Variants in PDZD2 observed in about 807,000 individuals in gnomAD.
PDZD2 encodes the protein PDZ domain containing 2.
A neutral mutation model predicts 220.7 loss-of-function variants in PDZD2; 90 were observed. The ratio of observed to expected loss-of-function variants is 0.41; its 90% CI spans 0.34 to 0.49. PDZD2 has a LOEUF of 0.49. PDZD2 is among the 20% of genes least tolerant of loss of function. PDZD2 has a pLI of 0.28. For missense variants in PDZD2, 3,174 were observed against 3,608.5 expected (o/e 0.88, Z 3.08); for synonymous variants, 1,375 against 1,450.5 (o/e 0.95, Z 1.18).
chr5:31,885,373 G>A (rs1740367170), intron 2 of PDZD2, among the ~76,000 whole-genome samples: 1 of 152,076 alleles, frequency 6.6e-6, no homozygotes, highest in Admixed American at 6.6e-5. Flanking sequence ...AGTGAGACAC[G>A]TCACAGGTAT....
intron 2 of PDZD2, among the ~76,000 whole-genome samples, chr5:31,874,522 AG>A (rs1482591402): frequency 6.6e-6 from 1 of 152,194 alleles, no homozygotes; most frequent in Non-Finnish European, 1.5e-5. Context: ...GCACTTTGGG[AG>A]GCCAGGGCAG....
chr5:31,759,469 A>T (rs991457609), intron 1 of PDZD2, among the ~76,000 whole-genome samples: 8 of 151,708 alleles, frequency 5.3e-5, no homozygotes, highest in Admixed American at 1.3e-4. Context: ...CAAAAGTGGG[A>T]GGTGGGAATG....
At chr5:32,086,663 TTTGTTGTTG>T (rs57422179) in intron 19 of PDZD2, among the ~76,000 whole-genome samples, 16 of 150,586 alleles carry the variant, frequency 1.1e-4, no homozygotes, top group African/African-American at 3.4e-4. Context: ...AGAACGCCGT[TTTGTTGTTG>T]TTGTTGTTGT....
chr5:31,834,717 C>A (rs984703216), intron 2 of PDZD2, among the ~76,000 whole-genome samples: 1 of 144,330 alleles, frequency 6.9e-6, no homozygotes, highest in Non-Finnish European at 1.5e-5. Flanking sequence ...TGGAGCATTG[C>A]ACACCGGGGC....
In PDZD2 at chr5:31,705,871, G is replaced by A. The variant is rs561340131; in HGVS notation, c.-361+66434G>A. On this transcript the variant is annotated intron_variant, in intron 1 of 24. Transcript: ENST00000438447. ...TCAAGACCAGCCTGGCCAACATGGCGAAACCCTATCTCTACTGAAAAATAC... is the reference window on the plus strand; with the variant it reads ...TCAAGACCAGCCTGGCCAACATGGCAAAACCCTATCTCTACTGAAAAATAC... Among the ~76,000 whole-genome samples the A allele has an allele frequency of 2.4e-4, 36 of 152,328 alleles. No homozygotes were observed. The South Asian group carries it at 7.1e-3, about 30-fold the overall frequency.
At chr5:31,664,674 G>A (rs1561371064) in intron 1 of PDZD2, among the ~76,000 whole-genome samples, 2 of 152,086 alleles carry the variant, frequency 1.3e-5, no homozygotes, top group South Asian at 2.1e-4. Context: ...ATACAGAGCC[G>A]AAAACCACAA....
chr5:32,008,096 C>T (rs1752981381), intron 5 of PDZD2, among the ~76,000 whole-genome samples: 1 of 151,050 alleles, frequency 6.6e-6, no homozygotes, highest in Non-Finnish European at 1.5e-5. Flanking sequence ...TCGAGACCAG[C>T]CTGGTCAACA....
At chr5:32,064,523 A>G (rs1211987030) in intron 14 of PDZD2, among the ~76,000 whole-genome samples, 1 of 152,024 alleles carries the variant, frequency 6.6e-6, no homozygotes, top group East Asian at 1.9e-4. Context: ...GATTACTAGC[A>G]TGAGCCACCA....
intron 2 of PDZD2, among the ~76,000 whole-genome samples, chr5:31,966,953 A>G (rs1314532965): frequency 6.6e-6 from 1 of 152,230 alleles, no homozygotes; most frequent in Non-Finnish European, 1.5e-5. Flanking sequence ...TCAGGAGAAC[A>G]GTGCGTGACC....
intron 1 of PDZD2, among the ~76,000 whole-genome samples, chr5:31,648,327 A>G (rs1219254533): frequency 6.6e-6 from 1 of 152,178 alleles, no homozygotes; most frequent in Non-Finnish European, 1.5e-5. Flanking sequence ...TAACACAACA[A>G]AATGCAATCC....
intron 1 of PDZD2, among the ~76,000 whole-genome samples, chr5:31,698,982 C>T (rs1747497624): frequency 6.6e-6 from 1 of 152,090 alleles, no homozygotes; most frequent in Admixed American, 6.5e-5. Context: ...AAGATCTGAC[C>T]CTGGCCATGA....
At chr5:32,063,806 G>C (rs1287469470) in intron 14 of PDZD2, among the ~76,000 whole-genome samples, 3 of 152,194 alleles carry the variant, frequency 2.0e-5, no homozygotes, top group Non-Finnish European at 4.4e-5. Flanking sequence ...TGCAATTGTG[G>C]ACGGAATCAA....
chr5:31,979,751 C>T (rs1299082085), intron 2 of PDZD2, among the ~76,000 whole-genome samples: 1 of 152,156 alleles, frequency 6.6e-6, no homozygotes, highest in East Asian at 1.9e-4. Flanking sequence ...AACACCCTCA[C>T]TTTACAGATG....
intron 2 of PDZD2, among the ~76,000 whole-genome samples, chr5:31,914,873 G>C (rs1460956162): frequency 1.3e-5 from 2 of 152,174 alleles, no homozygotes; most frequent in African/African-American, 4.8e-5. Context: ...CAGTAATTCT[G>C]ACATGTGCTC....
At chr5:31,642,157 A>G (rs1364878291) in intron 1 of PDZD2, among the ~76,000 whole-genome samples, 1 of 152,180 alleles carries the variant, frequency 6.6e-6, no homozygotes, top group Non-Finnish European at 1.5e-5. Flanking sequence ...CAAGGGGACA[A>G]ATTCCAAAGA....
intron 2 of PDZD2, among the ~76,000 whole-genome samples, chr5:31,937,674 C>T (rs529159851): frequency 3.9e-5 from 6 of 152,314 alleles, no homozygotes; most frequent in South Asian, 2.1e-4. Flanking sequence ...GGAGGAGGAA[C>T]GGCACCTCCT....
In PDZD2 at chr5:32,078,991, C is replaced by T. The variant is rs571131329; in HGVS notation, c.3682+1385C>T. Among the ~76,000 whole-genome samples, 6 of 151,708 alleles carry T rather than the reference C, an allele frequency of 4.0e-5. No homozygotes were observed. The South Asian group carries it at 8.3e-4, about 21-fold the overall frequency. ...TGGATTCTGGTGGGGCGCGGTGGCT[C>T]ATCATGCCTGTAATCCCAGCACTTT... On this transcript the variant is annotated intron_variant, in intron 19 of 24. Coordinates refer to ENST00000438447, the MANE Select transcript of PDZD2 (RefSeq NM_178140.4).
Position 31,689,353 on chromosome 5 carries a change from A to ATATATTTTTTTTT in PDZD2, c.-361+49917_-361+49918insATATTTTTTTTTT. On this transcript the variant is annotated intron_variant, in intron 1 of 24. Coordinates refer to ENST00000438447, the MANE Select transcript of PDZD2 (RefSeq NM_178140.4). ...TACATATACATATATATATATATAT[A>ATATATTTTTTTTT]TTTTTTTTTTTTTTTTTTTTAAGTC... Among the ~76,000 whole-genome samples, 210 of 35,100 alleles carry ATATATTTTTTTTT rather than the reference A, an allele frequency of 6.0e-3. 11 individuals carry two copies. Among genetic ancestry groups the ATATATTTTTTTTT allele is most frequent in the East Asian group, 7.4e-3 (4 of 542 alleles). 23.0% of individuals were successfully genotyped at this position (35,100 alleles called of 152,430 possible).
At chr5:32,074,997 A>G (rs1397899878) in intron 18 of PDZD2, among the ~76,000 whole-genome samples, 1 of 152,048 alleles carries the variant, frequency 6.6e-6, no homozygotes, top group Non-Finnish European at 1.5e-5. Context: ...TTTTTAGTAG[A>G]GACAGGGTTT....
Sources: allele counts gnomAD v4.1 joint callset (sites outside exome capture counted in the v4.1 genomes callset), GRCh38; gene constraint gnomAD v4.1.1; transcripts MANE v1.5; gene names NCBI Gene and HGNC (gene_info 2026-07-23, HGNC 2026-07-21).